TJP1: variants seen among roughly 807,000 people sequenced by gnomAD.
The protein encoded by TJP1 is tight junction protein 1.
TJP1 carries 43 observed loss-of-function variants against 194.2 expected under a neutral mutation model. The observed-to-expected ratio is 0.22, with a 90% confidence interval of 0.17 to 0.29. TJP1 has a LOEUF of 0.29. Among genes scored for constraint, TJP1 ranks in the 10% least tolerant of loss-of-function variants. TJP1 has a pLI of 1.00. For missense variants in TJP1, 1,971 were observed against 2,185.7 expected (o/e 0.90, Z 1.96); for synonymous variants, 801 against 779.0 (o/e 1.03, Z -0.47).
chr15:29,871,794 C>T (rs2052534638), intron 2 of TJP1, among the ~76,000 whole-genome samples: 1 of 152,250 alleles, frequency 6.6e-6, no homozygotes, highest in Admixed American at 6.5e-5. Context: ...CAACAATCCA[C>T]AAAGTTTCTT....
intron 2 of TJP1, among the ~76,000 whole-genome samples, chr15:29,846,478 G>T (rs1452827440): frequency 6.6e-6 from 1 of 152,076 alleles, no homozygotes; most frequent in Non-Finnish European, 1.5e-5. Flanking sequence ...CAAGAGAAGG[G>T]AGACCTGGAT....
chr15:29,820,657 G>C (rs2050271197), intron 1 of TJP1: 4 of 681,424 alleles, frequency 5.9e-6, no homozygotes, highest in Non-Finnish European at 1.1e-5. Flanking sequence ...GTGTAATACG[G>C]AAACAAAGCC....
chr15:29,964,880 C>T (rs1026269681), intron 1 of TJP1, among the ~76,000 whole-genome samples: 3 of 152,236 alleles, frequency 2.0e-5, no homozygotes, highest in African/African-American at 4.8e-5. Flanking sequence ...AGAGTTCCTA[C>T]AGGCTCCACT....
chr15:29,820,693 G>A lies in TJP1; in HGVS notation c.27+1309C>T, dbSNP rs41280060. 6.6e-6 allele frequency: 4 copies of A among 602,840 alleles called. No homozygotes were observed. In the Admixed American group the frequency reaches 1.1e-4, roughly 16 times the overall value. 37.3% of individuals were successfully genotyped at this position (602,840 alleles called of 1,614,324 possible). The stretch of plus-strand genomic sequence containing the variant: ...TTTCCTCCTAGGAAAGAAAGCCCCA[G>A]AAAAGACAAATAATGGGAGCTTATT... On this transcript the variant is annotated intron_variant, in intron 1 of 27. Transcript: ENST00000614355.
intron 2 of TJP1, among the ~76,000 whole-genome samples, chr15:29,923,110 A>C (rs1418129093): frequency 6.6e-6 from 1 of 152,108 alleles, no homozygotes; most frequent in East Asian, 1.9e-4. Context: ...GCAGAGTGGC[A>C]CTCTGTGTCA....
At chr15:29,813,046 T>C (rs575026863) in intron 1 of TJP1, among the ~76,000 whole-genome samples, 11 of 152,242 alleles carry the variant, frequency 7.2e-5, no homozygotes, top group Admixed American at 7.2e-4. Context: ...TTATATGACA[T>C]TACCAGGAAA....
intron 16 of TJP1, 100 bp downstream of exon 16, chr15:29,727,837 T>G (rs2043338111): frequency 1.1e-6 from 1 of 887,872 alleles, no homozygotes; most frequent in Non-Finnish European, 1.8e-6. Flanking sequence ...ATGTCAGTAA[T>G]AGTCTCAGAA....
chr15:29,700,650 A>C lies in TJP1; in HGVS notation c.*945T>G, dbSNP rs2041482219. The C allele has an allele frequency of 2.6e-6, 1 of 384,532 alleles. No individual in the cohort carries two copies. The highest frequency in any genetic ancestry group is 4.6e-6 in the Non-Finnish European group (1 of 217,780). 23.8% of individuals were successfully genotyped at this position (384,532 alleles called of 1,614,324 possible). On this transcript the variant is annotated 3_prime_UTR_variant, in exon 28 of 28. Transcript: ENST00000614355. ...AAAGTGGTATGCACGCATTATGTAC[A>C]AGCATCCTTAAAACATCAAAATTTT...
chr15:29,709,069 T>C (rs1198449444), intron 24 of TJP1, 33 bp from the exon 25 acceptor site: 2 of 1,578,818 alleles, frequency 1.3e-6, no homozygotes, highest in Non-Finnish European at 1.7e-6. Context: ...TAAATAACTT[T>C]CTGAAAAAAG....
chr15:29,753,427 T>C (rs1324936808), intron 8 of TJP1, among the ~76,000 whole-genome samples: 2 of 131,402 alleles, frequency 1.5e-5, no homozygotes, highest in Non-Finnish European at 3.0e-5. Context: ...GAGCTCGCAG[T>C]GAGCCGAGAT....
chr15:29,815,477 T>G (rs2049848904), intron 1 of TJP1, among the ~76,000 whole-genome samples: 1 of 152,236 alleles, frequency 6.6e-6, no homozygotes, highest in South Asian at 2.1e-4. Context: ...ATCAAAACTT[T>G]GCTAATTAGA....
intron 9 of TJP1, 23 bp from the exon 10 acceptor site, chr15:29,741,459 G>C: frequency 6.6e-7 from 1 of 1,506,494 alleles, no homozygotes; most frequent in Non-Finnish European, 9.2e-7. Context: ...AAATTGAGTA[G>C]GACTCACTTT....
At chr15:29,748,949 TGTGTGCGC>T (rs149605126) in intron 8 of TJP1, among the ~76,000 whole-genome samples, 702 of 31,284 alleles carry the variant, frequency 0.022, 10 homozygotes, top group African/African-American at 0.045. Context: ...TGTGTGTGTG[TGTGTGCGC>T]GTGTGTGCGC....
At chr15:29,857,661 T>C (rs938369415) in intron 2 of TJP1, among the ~76,000 whole-genome samples, 1 of 152,202 alleles carries the variant, frequency 6.6e-6, no homozygotes, top group African/African-American at 2.4e-5. Flanking sequence ...AAGGCCAATA[T>C]GCATTCTTGC....
At chr15:29,929,465 G>A (rs760111059) in intron 2 of TJP1, among the ~76,000 whole-genome samples, 15 of 152,172 alleles carry the variant, frequency 9.9e-5, no homozygotes, top group Non-Finnish European at 1.5e-4. Flanking sequence ...GGGAGGCCGG[G>A]GGAAGTGGAT....
intron 2 of TJP1, among the ~76,000 whole-genome samples, chr15:29,883,189 G>A (rs909489143): frequency 6.6e-6 from 1 of 152,300 alleles, no homozygotes; most frequent in South Asian, 2.1e-4. Flanking sequence ...TATTGTCAAA[G>A]AAGGTTAATT....
chr15:29,737,178 A>T, intron 11 of TJP1, 86 bp downstream of exon 11: 1 of 1,489,388 alleles, frequency 6.7e-7, no homozygotes, highest in South Asian at 1.2e-5. Context: ...ATTACAATCT[A>T]ATTACAATAG....
chr15:29,878,369 C>T (rs917234171), intron 2 of TJP1, among the ~76,000 whole-genome samples: 19 of 152,118 alleles, frequency 1.2e-4, no homozygotes, highest in East Asian at 1.9e-4. Context: ...TTTCAAGAAG[C>T]GGGTTAACTG....
chr15:29,930,247 A>G lies in TJP1; in HGVS notation c.306+25985T>C, dbSNP rs189651405. ...AAAGAAATTATTCCCAACTCATATA[A>G]TGAAGCTAAGAAAACCCAAAAACCA... On this transcript the variant is annotated intron_variant, in intron 2 of 28. Transcript: ENST00000356107. 3.3e-4 allele frequency among the ~76,000 whole-genome samples: 50 copies of G among 152,342 alleles called. 1 individual carries two copies. The East Asian group carries it at 9.3e-3, about 28-fold the overall frequency.
Sources: gnomAD v4.1 joint callset for allele counts (sites outside exome capture counted in the v4.1 genomes callset) on GRCh38, gnomAD v4.1.1 for gene constraint, MANE v1.5 for transcripts, NCBI Gene and HGNC (gene_info 2026-07-23, HGNC 2026-07-21) for gene names.